RYR3: variants seen among roughly 807,000 people sequenced by gnomAD.
The protein encoded by RYR3 is ryanodine receptor 3.
Under a neutral mutation model 584.3 loss-of-function variants are expected in RYR3, and 207 were observed. The observed-to-expected ratio is 0.35, with a 90% confidence interval of 0.32 to 0.40. The LOEUF is 0.40. Ranked by LOEUF, RYR3 falls within the 10% of genes least tolerant of loss-of-function variation. The pLI is 1.00. For missense variants in RYR3, 5,616 were observed against 6,089.2 expected, an observed-to-expected ratio of 0.92 and a Z score of 2.59; for synonymous variants, 2,416 against 2,248.5, an observed-to-expected ratio of 1.07 and a Z score of -2.11.
At chr15:33,617,892 A>T (rs1346903382) in intron 19 of RYR3, among the ~76,000 whole-genome samples, 4 of 152,176 alleles carry the variant, frequency 2.6e-5, no homozygotes, top group African/African-American at 9.7e-5. Context: ...TCTCTTAATG[A>T]ATATGCCTCC....
At chr15:33,627,029 C>T (rs2061026754) in intron 20 of RYR3, among the ~76,000 whole-genome samples, 1 of 152,096 alleles carries the variant, frequency 6.6e-6, no homozygotes, top group African/African-American at 2.4e-5. Context: ...GAGAAGAGGG[C>T]CACCATCCTC....
chr15:33,486,511 G>A (rs1344285635), intron 2 of RYR3, among the ~76,000 whole-genome samples: 1 of 152,126 alleles, frequency 6.6e-6, no homozygotes, highest in Non-Finnish European at 1.5e-5. Flanking sequence ...ATATTCACAG[G>A]TACAGGGGGT....
intron 67 of RYR3, among the ~76,000 whole-genome samples, chr15:33,789,515 G>T (rs2074959364): frequency 2.0e-5 from 3 of 148,742 alleles, no homozygotes; most frequent in African/African-American, 7.4e-5. Context: ...TCCTTTTGGG[G>T]TGATGAAAAC....
chr15:33,753,488 G>T (rs2071524642), intron 57 of RYR3, among the ~76,000 whole-genome samples: 1 of 152,142 alleles, frequency 6.6e-6, no homozygotes, highest in Non-Finnish European at 1.5e-5. Flanking sequence ...AAATGGTGCT[G>T]GTGGGCTGTG....
At chr15:33,549,506 A>G (rs529613218) in intron 9 of RYR3, among the ~76,000 whole-genome samples, 19 of 152,242 alleles carry the variant, frequency 1.2e-4, no homozygotes, top group Non-Finnish European at 2.2e-4. Flanking sequence ...TTCAGTGGAT[A>G]ATTTCTCCCA....
At chr15:33,393,933 T>C (rs1291912033) in intron 1 of RYR3, among the ~76,000 whole-genome samples, 5 of 152,208 alleles carry the variant, frequency 3.3e-5, no homozygotes, top group Admixed American at 6.5e-5. Flanking sequence ...AGCAGCCCTA[T>C]GAGATAGATG....
In RYR3 at chr15:33,591,242, T is replaced by C. The variant is rs147660484; in HGVS notation, c.1788+5126T>C. Among the ~76,000 whole-genome samples, 1,161 of 152,356 alleles carry C rather than the reference T, an allele frequency of 7.6e-3. 8 individuals carry two copies. The highest frequency in any genetic ancestry group is 0.011 in the Non-Finnish European group (730 of 68,032). On this transcript the variant is annotated intron_variant, in intron 16 of 103. Transcript: ENST00000634891. Reference sequence around the variant, plus strand: ...AAACGCCACTTCCTCCATGAATCTTTTTCTGATTCCAGTTGGAATTGGTCT... The same window carrying C: ...AAACGCCACTTCCTCCATGAATCTTCTTCTGATTCCAGTTGGAATTGGTCT...
chr15:33,718,899 C>A (rs1766774951), intron 43 of RYR3, among the ~76,000 whole-genome samples: 1 of 152,186 alleles, frequency 6.6e-6, no homozygotes, highest in African/African-American at 2.4e-5. Flanking sequence ...AGAACTCAAG[C>A]AGAAAGCATT....
At chr15:33,861,040 T>A (rs1412394048) in intron 101 of RYR3, 38 bp from the exon 102 acceptor site, 1 of 1,420,454 alleles carries the variant, frequency 7.0e-7, no homozygotes, top group East Asian at 2.4e-5. Context: ...GCCTATATTA[T>A]GCCAACAAAT....
chr15:33,695,968 TTTTTTTG>T (rs1197404904), intron 38 of RYR3, among the ~76,000 whole-genome samples: 6 of 115,922 alleles, frequency 5.2e-5, no homozygotes, highest in Non-Finnish European at 7.8e-5. Context: ...TTTTTTTTTT[TTTTTTTG>T]GTAGCAACAG....
At chr15:33,521,432 A>C (rs1490998303) in intron 3 of RYR3, among the ~76,000 whole-genome samples, 1 of 152,184 alleles carries the variant, frequency 6.6e-6, no homozygotes, top group African/African-American at 2.4e-5. Flanking sequence ...TCCAGGAAAA[A>C]TAATTCTAGG....
At chr15:33,497,814 TTTA>T (rs1240248821) in intron 2 of RYR3, among the ~76,000 whole-genome samples, 2 of 152,162 alleles carry the variant, frequency 1.3e-5, no homozygotes, top group Non-Finnish European at 2.9e-5. Context: ...AACACTAGAA[TTTA>T]TTATTCCTGG....
At chr15:33,725,202 C>T (rs12908169) in intron 45 of RYR3, among the ~76,000 whole-genome samples, 1,539 of 111,036 alleles carry the variant, frequency 0.014, 11 homozygotes, top group Middle Eastern at 0.046. Flanking sequence ...CACACACACA[C>T]ATATATACAT....
At chr15:33,759,678 C>G (rs1373024354) in intron 60 of RYR3, among the ~76,000 whole-genome samples, 2 of 152,270 alleles carry the variant, frequency 1.3e-5, no homozygotes, top group East Asian at 3.9e-4. Flanking sequence ...ATTGGTGTAC[C>G]TGAAAGTGAC....
Position 33,704,036 on chromosome 15 carries a change from G to A in RYR3, c.6484-2883G>A, listed in dbSNP as rs191038622. ...TGTAATCCCAGCACTTCAGGAGGCC[G>A]AGGCAGGTGAATCATTTGAGGTCAG... On this transcript the variant is annotated intron_variant, in intron 42 of 103. Transcript: ENST00000634891. 2.6e-5 allele frequency among the ~76,000 whole-genome samples: 4 copies of A among 152,230 alleles called. No homozygotes were observed. The East Asian group carries it at 5.8e-4, about 22-fold the overall frequency.
At chr15:33,814,540 C>G (rs779723548) in intron 74 of RYR3, among the ~76,000 whole-genome samples, 3 of 152,126 alleles carry the variant, frequency 2.0e-5, no homozygotes, top group Non-Finnish European at 2.9e-5. Context: ...TCCAGAGTAG[C>G]CTATAACCTC....
chr15:33,864,216 T>TGTTAGATCTCCC, intron 103 of RYR3, 27 bp downstream of exon 103: 1 of 1,570,396 alleles, frequency 6.4e-7, no homozygotes, highest in Non-Finnish European at 8.7e-7. Context: ...CATATACCCG[T>TGTTAGATCTCCC]GTTAGATCTC....
At chr15:33,775,537 T>C (rs891341033) in intron 64 of RYR3, among the ~76,000 whole-genome samples, 1 of 152,062 alleles carries the variant, frequency 6.6e-6, no homozygotes, top group Admixed American at 6.6e-5. Flanking sequence ...AGGTGAGAGG[T>C]TGGTGAAACT....
intron 1 of RYR3, among the ~76,000 whole-genome samples, chr15:33,346,288 A>G (rs150958935): frequency 6.8e-4 from 103 of 152,350 alleles, no homozygotes; most frequent in African/African-American, 2.4e-3. Flanking sequence ...ACGAAAATAG[A>G]TTGTAATTTC....
Sources: allele counts gnomAD v4.1 joint callset (sites outside exome capture counted in the v4.1 genomes callset), GRCh38; gene constraint gnomAD v4.1.1; transcripts MANE v1.5; gene names NCBI Gene and HGNC (gene_info 2026-07-23, HGNC 2026-07-21).